The following PALM2AKAP2 variants were observed in gnomAD, a reference collection of about 807,000 sequenced individuals.
The protein encoded by PALM2AKAP2 is PALM2 and AKAP2 fusion.
A neutral mutation model predicts 71.5 loss-of-function variants in PALM2AKAP2; 37 were observed. The ratio of observed to expected loss-of-function variants is 0.52; its 90% CI spans 0.40 to 0.68. The LOEUF (loss-of-function observed/expected upper bound fraction) is 0.68. Ranked by LOEUF, PALM2AKAP2 falls within the 30% of genes least tolerant of loss-of-function variation. The probability of loss-of-function intolerance (pLI) is 0.00; values close to 1 mark genes in which losing one functional copy is unlikely to be tolerated. For missense variants in PALM2AKAP2, 1,224 were observed against 1,191.8 expected, an observed-to-expected ratio of 1.03 and a Z score of -0.40; for synonymous variants, 468 against 478.8, an observed-to-expected ratio of 0.98 and a Z score of 0.29.
intron 6 of PALM2AKAP2, among the ~76,000 whole-genome samples, chr9:109,963,508 G>A (rs1161983524): frequency 6.6e-6 from 1 of 152,222 alleles, no homozygotes; most frequent in Non-Finnish European, 1.5e-5. Context: ...GAACTAGCTA[G>A]AGTTGAGTTT....
chr9:110,085,578 C>T (rs1363657126), intron 1 of PALM2AKAP2, among the ~76,000 whole-genome samples: 2 of 152,170 alleles, frequency 1.3e-5, no homozygotes, highest in Non-Finnish European at 2.9e-5. Flanking sequence ...TAGTTAACTT[C>T]AGAGGAAAAA....
chr9:110,043,135 A>AT (rs1383886168), intron 7 of PALM2AKAP2, among the ~76,000 whole-genome samples: 2 of 151,920 alleles, frequency 1.3e-5, no homozygotes, highest in Non-Finnish European at 2.9e-5. Context: ...TGTTACATCC[A>AT]TTTTGCCTCC....
intron 2 of PALM2AKAP2, among the ~76,000 whole-genome samples, chr9:110,143,030 C>T (rs1028850889): frequency 5.9e-5 from 9 of 152,106 alleles, no homozygotes; most frequent in African/African-American, 1.7e-4. Context: ...CGAAGGCAGG[C>T]GCCATCTTGG....
rs76175487 is a variant in PALM2AKAP2 at position 109,896,194 on chromosome 9, A to G, written c.257+15513A>G. ...GAGTGAAACTCCGTCTCAAAAAGAA[A>G]AAGAAAAAGAAAAAGAAACCATTAG... is the stretch of plus-strand genomic sequence containing the variant. On this transcript the variant is annotated intron_variant, in intron 3 of 9. Transcript: ENST00000302798. 3.4e-3 allele frequency among the ~76,000 whole-genome samples: 519 copies of G among 152,076 alleles called. 3 individuals are homozygous for G. Among genetic ancestry groups the G allele is most frequent in the African/African-American group, 0.012 (486 of 41,478 alleles).
intron 1 of PALM2AKAP2, among the ~76,000 whole-genome samples, chr9:109,841,405 T>C (rs183246953): frequency 1.3e-3 from 189 of 145,502 alleles, no homozygotes; most frequent in African/African-American, 3.9e-3. Context: ...TTAGGAGATA[T>C]ACCTAATGTA....
chr9:109,806,215 C>T (rs530525492), intron 1 of PALM2AKAP2, among the ~76,000 whole-genome samples: 1 of 152,142 alleles, frequency 6.6e-6, no homozygotes, highest in Non-Finnish European at 1.5e-5. Flanking sequence ...AACATAAAAA[C>T]AATTTTCTTT....
intron 7 of PALM2AKAP2, among the ~76,000 whole-genome samples, chr9:110,027,536 C>T (rs141201828): frequency 6.6e-6 from 1 of 152,330 alleles, no homozygotes; most frequent in African/African-American, 2.4e-5. Context: ...TTCAATATTT[C>T]TCATTTATGC....
At chr9:109,915,243 G>T (rs1830658110) in intron 3 of PALM2AKAP2, among the ~76,000 whole-genome samples, 2 of 152,340 alleles carry the variant, frequency 1.3e-5, no homozygotes, top group African/African-American at 4.8e-5. Context: ...AGAGGGATTG[G>T]CTTGCCATGG....
At chr9:110,029,998 A>G (rs892509120) in intron 7 of PALM2AKAP2, among the ~76,000 whole-genome samples, 8 of 152,160 alleles carry the variant, frequency 5.3e-5, no homozygotes, top group African/African-American at 1.9e-4. Flanking sequence ...AAGTTGTTGG[A>G]TTCATAGAGT....
chr9:110,045,334 G>A (rs529684666), upstream of PALM2AKAP2, among the ~76,000 whole-genome samples: 3 of 152,228 alleles, frequency 2.0e-5, no homozygotes, highest in South Asian at 4.1e-4. Context: ...GAGTAAATAT[G>A]CTTCTTTTAT....
chr9:109,957,103 G>T lies in PALM2AKAP2; in HGVS notation c.496+25075G>T, dbSNP rs143997127. Among the ~76,000 whole-genome samples the T allele has an allele frequency of 3.2e-4, 49 of 152,288 alleles. 1 individual carries two copies. In the East Asian group the frequency reaches 9.1e-3, roughly 28 times the overall value. On this transcript the variant is annotated intron_variant, in intron 6 of 9. Transcript: ENST00000302798. ...AAGGATTGAATCGAGTACATCAGTAGCAAACTTAAACTCTCCAGTAAGATC... is the reference window on the plus strand; with the variant it reads ...AAGGATTGAATCGAGTACATCAGTATCAAACTTAAACTCTCCAGTAAGATC...
At position 110,076,492 on chromosome 9, in the gene PALM2AKAP2, CAT is replaced by C. The variant is rs149836822; in HGVS notation, c.156+27655_156+27656del. ...ATATAGGTATATCATATATATTCTACATATATATATATATATATAGGTATATA... is the reference window on the plus strand; with the variant it reads ...ATATAGGTATATCATATATATTCTACATATATATATATATATAGGTATATA... On this transcript the variant is annotated intron_variant, in intron 1 of 3. Coordinates refer to ENST00000374525, the Ensembl canonical transcript of PALM2AKAP2. Among the ~76,000 whole-genome samples the C allele has an allele frequency of 5.4e-4, 58 of 106,708 alleles. 3 individuals carry two copies. Among genetic ancestry groups the C allele is most frequent in the East Asian group, 2.1e-3 (10 of 4,674 alleles). 70.0% of individuals were successfully genotyped at this position (106,708 alleles called of 152,430 possible). A position where few individuals can be genotyped will look rare whatever the true frequency, so the allele number is the denominator to read the frequency against.
intron 1 of PALM2AKAP2, among the ~76,000 whole-genome samples, chr9:109,794,174 A>T (rs1010649181): frequency 6.6e-6 from 1 of 152,148 alleles, no homozygotes; most frequent in Non-Finnish European, 1.5e-5. Context: ...TTGTTTACCG[A>T]AGCTGGCATG....
At chr9:109,972,041 C>T (rs1212236135) in intron 6 of PALM2AKAP2, among the ~76,000 whole-genome samples, 2 of 152,206 alleles carry the variant, frequency 1.3e-5, no homozygotes, top group Non-Finnish European at 2.9e-5. Context: ...AACTCCTGTT[C>T]AGAAGACCTT....
intron 1 of PALM2AKAP2, among the ~76,000 whole-genome samples, chr9:109,862,562 G>A (rs1232165066): frequency 6.6e-6 from 1 of 152,130 alleles, no homozygotes; most frequent in African/African-American, 2.4e-5. Flanking sequence ...GTGTTTCTCA[G>A]TTCACTTAGC....
At chr9:109,708,843 T>C (rs1014766303) in intron 1 of PALM2AKAP2, among the ~76,000 whole-genome samples, 42 of 152,212 alleles carry the variant, frequency 2.8e-4, no homozygotes, top group Admixed American at 3.3e-4. Flanking sequence ...TTGTAAGTTC[T>C]CCTTTGCCTC....
chr9:109,674,656 G>A (rs573321245), intron 1 of PALM2AKAP2, among the ~76,000 whole-genome samples: 20 of 152,120 alleles, frequency 1.3e-4, no homozygotes, highest in East Asian at 5.8e-4. Flanking sequence ...TAGGTAATTG[G>A]CAAGAACATA....
intron 7 of PALM2AKAP2, among the ~76,000 whole-genome samples, chr9:110,019,161 A>T (rs970604723): frequency 1.3e-5 from 2 of 151,002 alleles, no homozygotes; most frequent in East Asian, 3.9e-4. Flanking sequence ...AATCACTTGA[A>T]CCAGGGAGGC....
intron 1 of PALM2AKAP2, among the ~76,000 whole-genome samples, chr9:110,053,638 A>C (rs1833764893): frequency 6.6e-6 from 1 of 152,118 alleles, no homozygotes; most frequent in Admixed American, 6.5e-5. Flanking sequence ...AGTGCCCCGC[A>C]TAGGCCGTGC....
Sources: allele counts gnomAD v4.1 joint callset (sites outside exome capture counted in the v4.1 genomes callset), GRCh38; gene constraint gnomAD v4.1.1; transcripts MANE v1.5; gene names NCBI Gene and HGNC (gene_info 2026-07-23, HGNC 2026-07-21).